The following WDR41 variants were observed in gnomAD, a reference collection of about 807,000 sequenced individuals.
WDR41 encodes the protein WD repeat-containing protein 41.
Under a neutral mutation model 69.3 loss-of-function variants are expected in WDR41, and 63 were observed. That is an observed-to-expected ratio of 0.91 (90% confidence interval 0.74 to 1.12). The LOEUF is 1.12. Among genes scored for constraint, WDR41 ranks in the 50% most tolerant of loss-of-function variants. The pLI is 0.00. For missense variants in WDR41, 543 were observed against 534.5 expected (o/e 1.02, Z -0.16); for synonymous variants, 185 against 192.1 (o/e 0.96, Z 0.31).
chr5:77,573,104 T>C (rs1004535121), intron 1 of WDR41, among the ~76,000 whole-genome samples: 7 of 152,122 alleles, frequency 4.6e-5, no homozygotes, highest in Admixed American at 3.9e-4. Context: ...ACTTACAAGG[T>C]TCCTTCCTCT....
chr5:77,439,814 CAA>C (rs1463105690), intron 9 of WDR41, among the ~76,000 whole-genome samples: 1 of 152,060 alleles, frequency 6.6e-6, no homozygotes, highest in Non-Finnish European at 1.5e-5. Flanking sequence ...TTAATTTTCA[CAA>C]AAGTGAGAAA....
At chr5:77,457,032 C>T (rs1799862382) in intron 5 of WDR41, among the ~76,000 whole-genome samples, 1 of 152,126 alleles carries the variant, frequency 6.6e-6, no homozygotes, top group Non-Finnish European at 1.5e-5. Flanking sequence ...ACGAAATTAG[C>T]CTTGAGATTT....
intron 1 of WDR41, among the ~76,000 whole-genome samples, chr5:77,518,699 G>A (rs1479334994): frequency 2.6e-5 from 4 of 151,712 alleles, no homozygotes; most frequent in Admixed American, 6.6e-5. Flanking sequence ...GAATAGCTAC[G>A]AACTTAAAAT....
chr5:77,578,939 AG>A (rs1478606623), intron 1 of WDR41, among the ~76,000 whole-genome samples: 1 of 151,804 alleles, frequency 6.6e-6, no homozygotes, highest in Non-Finnish European at 1.5e-5. Context: ...ATATCAATAA[AG>A]AGATAGAAAC....
intron 1 of WDR41, chr5:77,499,323 G>A (rs1801983274): frequency 1.3e-5 from 2 of 152,256 alleles, no homozygotes; most frequent in Non-Finnish European, 2.9e-5. Context: ...AGAGAAAGGT[G>A]TACCTTCTAG....
intron 1 of WDR41, among the ~76,000 whole-genome samples, chr5:77,580,895 G>T (rs966338780): frequency 2.0e-5 from 3 of 151,972 alleles, no homozygotes; most frequent in East Asian, 1.9e-4. Flanking sequence ...GGCGAAGCTT[G>T]CAGTGAGCCG....
chr5:77,547,589 C>G (rs986312530), intron 1 of WDR41, among the ~76,000 whole-genome samples: 2 of 150,854 alleles, frequency 1.3e-5, no homozygotes, highest in East Asian at 1.9e-4. Context: ...GGTGAAAGAT[C>G]TCTACAAGGA....
chr5:77,434,268 G>A (rs545845938), intron 12 of WDR41, among the ~76,000 whole-genome samples: 6 of 152,188 alleles, frequency 3.9e-5, no homozygotes, highest in East Asian at 1.9e-4. Flanking sequence ...TGGAGATTGC[G>A]CCATTGTACT....
chr5:77,433,101 A>T lies in WDR41; in HGVS notation c.*34T>A. The stretch of plus-strand genomic sequence containing the variant: ...GAGTAGTACCCGATATTTGATGTTC[A>T]AGGTTCATGCATGTGTATTTTTAAT... On this transcript the variant is annotated 3_prime_UTR_variant, in exon 13 of 13. Coordinates refer to ENST00000296679, the MANE Select transcript of WDR41 (RefSeq NM_018268.4). 1 of 1,570,070 alleles carries T rather than the reference A, an allele frequency of 6.4e-7. No individual in the cohort carries two copies. The highest frequency in any genetic ancestry group is 8.6e-7 in the Non-Finnish European group (1 of 1,158,978).
intron 1 of WDR41, among the ~76,000 whole-genome samples, chr5:77,536,066 G>A (rs1307368540): frequency 6.6e-6 from 1 of 152,138 alleles, no homozygotes; most frequent in Non-Finnish European, 1.5e-5. Flanking sequence ...CATTCCTTGG[G>A]AATGCCACTA....
chr5:77,441,166 T>C (rs1280485034), intron 8 of WDR41, among the ~76,000 whole-genome samples, 169 bp from the exon 9 acceptor site: 1 of 152,104 alleles, frequency 6.6e-6, no homozygotes, highest in South Asian at 2.1e-4. Flanking sequence ...AGGCCAGAAA[T>C]AGACTCAAAT....
intron 1 of WDR41, among the ~76,000 whole-genome samples, chr5:77,556,224 C>T (rs1743390546): frequency 6.6e-6 from 1 of 151,504 alleles, no homozygotes; most frequent in African/African-American, 2.4e-5. Context: ...CTGCCTCAGC[C>T]TGCCGAAATA....
chr5:77,615,300 T>G (rs929553243), intron 1 of WDR41, among the ~76,000 whole-genome samples: 12 of 152,330 alleles, frequency 7.9e-5, no homozygotes, highest in African/African-American at 2.9e-4. Flanking sequence ...TAAAAATATA[T>G]CATTTATTTT....
intron 2 of WDR41, among the ~76,000 whole-genome samples, chr5:77,483,488 G>C: frequency 7.3e-5 from 1 of 13,766 alleles, no homozygotes; most frequent in East Asian, 3.8e-3. Context: ...ACTCGTGTGT[G>C]TGTGTGTGTG....
intron 3 of WDR41, among the ~76,000 whole-genome samples, chr5:77,464,274 C>CTTTTTTTTTTT (rs71606297): frequency 9.6e-5 from 9 of 94,202 alleles, no homozygotes; most frequent in African/African-American, 1.3e-4. Context: ...TAGGAAAAAA[C>CTTTTTTTTTTT]TTTTTTTTTT....
intron 1 of WDR41, among the ~76,000 whole-genome samples, chr5:77,529,646 A>G (rs1283946772): frequency 6.6e-6 from 1 of 151,630 alleles, no homozygotes; most frequent in African/African-American, 2.4e-5. Flanking sequence ...AATTAAGTCA[A>G]TGTGGTATTG....
intron 1 of WDR41, among the ~76,000 whole-genome samples, chr5:77,529,403 G>A (rs563372698): frequency 8.6e-5 from 13 of 151,444 alleles, no homozygotes; most frequent in African/African-American, 2.7e-4. Context: ...GATACACCAC[G>A]TTCATGGATT....
chr5:77,593,983 G>T (rs1744174953), intron 1 of WDR41, among the ~76,000 whole-genome samples: 1 of 151,744 alleles, frequency 6.6e-6, no homozygotes, highest in South Asian at 2.1e-4. Flanking sequence ...TAAGAAAGGG[G>T]GCAGGACTAC....
chr5:77,449,625 G>C, intron 8 of WDR41, 135 bp downstream of exon 8: 1 of 642,016 alleles, frequency 1.6e-6, no homozygotes, highest in Non-Finnish European at 2.7e-6. Flanking sequence ...TAAAACTTCA[G>C]AGTAAAAGAG....
Sources: gnomAD v4.1 joint callset for allele counts (sites outside exome capture counted in the v4.1 genomes callset) on GRCh38, gnomAD v4.1.1 for gene constraint, MANE v1.5 for transcripts, NCBI Gene and HGNC (gene_info 2026-07-23, HGNC 2026-07-21) for gene names.